The following ARK2C variants were observed in gnomAD, a reference collection of about 807,000 sequenced individuals.
ARK2C encodes the protein arkadia (RNF111) C-terminal like ring finger ubiquitin ligase 2C, also known as E3 ubiquitin-protein ligase ARK2C.
chr18:46,404,479 C>T, the ARK2C span, among the ~76,000 whole-genome samples: 2 of 152,146 alleles, frequency 1.3e-5, no homozygotes, highest in South Asian at 2.1e-4. Context: ...ACTGACCAGG[C>T]GTGGTGGCTC....
chr18:46,450,274 C>T, the ARK2C span: 2 of 1,531,888 alleles, frequency 1.3e-6, no homozygotes, highest in Admixed American at 1.7e-5. Flanking sequence ...TTGCTCTATC[C>T]AAGGCGTTTT....
chr18:46,352,535 T>C, the ARK2C span, among the ~76,000 whole-genome samples: 1 of 152,038 alleles, frequency 6.6e-6, no homozygotes, highest in Non-Finnish European at 1.5e-5. Flanking sequence ...CAGCCTAGAG[T>C]GGTGCTCAAT....
the ARK2C span, chr18:46,337,181 C>A: frequency 1.5e-4 from 148 of 985,064 alleles, no homozygotes; most frequent in African/African-American, 2.4e-3. Flanking sequence ...TCCCAAATAG[C>A]CTCCCCAGAC....
the ARK2C span, among the ~76,000 whole-genome samples, chr18:46,408,629 C>A: frequency 2.0e-5 from 3 of 152,194 alleles, no homozygotes; most frequent in Non-Finnish European, 4.4e-5. Flanking sequence ...GTAGGAGGGA[C>A]ACTTAACAGA....
the ARK2C span, among the ~76,000 whole-genome samples, chr18:46,420,318 G>C: frequency 3.3e-5 from 5 of 152,186 alleles, no homozygotes; most frequent in South Asian, 1.0e-3. Context: ...ACAGGAGAAA[G>C]GGGCATCAGA....
the ARK2C span, among the ~76,000 whole-genome samples, chr18:46,376,640 G>A: frequency 2.3e-5 from 3 of 131,558 alleles, no homozygotes; most frequent in East Asian, 2.3e-4. Context: ...TTTGAAGTTA[G>A]TTCAGCCAGC....
the ARK2C span, among the ~76,000 whole-genome samples, chr18:46,370,263 G>A: frequency 3.3e-5 from 5 of 152,174 alleles, no homozygotes; most frequent in African/African-American, 4.8e-5. Flanking sequence ...GCAGGGGAGG[G>A]GAAACATCGT....
chr18:46,444,699 C>A, the ARK2C span, among the ~76,000 whole-genome samples: 1 of 150,510 alleles, frequency 6.6e-6, no homozygotes, highest in Non-Finnish European at 1.5e-5. Context: ...CCTCAAACTT[C>A]TGGACTAAAA....
chr18:46,371,577 T>C, the ARK2C span, among the ~76,000 whole-genome samples: 1 of 152,208 alleles, frequency 6.6e-6, no homozygotes, highest in Non-Finnish European at 1.5e-5. Flanking sequence ...GCTTGGATGA[T>C]ATCCTGGGCA....
chr18:46,380,102 G>C, the ARK2C span, among the ~76,000 whole-genome samples: 1 of 152,242 alleles, frequency 6.6e-6, no homozygotes, highest in South Asian at 2.1e-4. Flanking sequence ...CCCACCCAGT[G>C]GGGGTGGAGT....
At chr18:46,435,900 C>A in the ARK2C span, among the ~76,000 whole-genome samples, 5 of 152,260 alleles carry the variant, frequency 3.3e-5, no homozygotes, top group African/African-American at 1.2e-4. Context: ...GCAAAGCCAG[C>A]CAGGTCAGAG....
chr18:46,337,750 A>T, the ARK2C span: 1 of 136,878 alleles, frequency 7.3e-6, no homozygotes, highest in African/African-American at 5.7e-5. Context: ...TCACCCACCC[A>T]CCACTCCCAC....
At chr18:46,395,451 TGAG>T in the ARK2C span, among the ~76,000 whole-genome samples, 1 of 152,230 alleles carries the variant, frequency 6.6e-6, no homozygotes, top group East Asian at 1.9e-4. Flanking sequence ...GCTTGGTTGT[TGAG>T]AACTACTTCT....
chr18:46,440,012 T>A, the ARK2C span, among the ~76,000 whole-genome samples: 2 of 152,288 alleles, frequency 1.3e-5, no homozygotes, highest in African/African-American at 4.8e-5. Flanking sequence ...GTATTTTTAG[T>A]AGAGACAGGG....
chr18:46,438,915 A>T, the ARK2C span, among the ~76,000 whole-genome samples: 1 of 152,178 alleles, frequency 6.6e-6, no homozygotes, highest in African/African-American at 2.4e-5. Context: ...TGTTATCATC[A>T]TCTTAGAGAT....
chr18:46,362,421 G>A, the ARK2C span, among the ~76,000 whole-genome samples: 2 of 152,198 alleles, frequency 1.3e-5, no homozygotes, highest in East Asian at 1.9e-4. Context: ...AGGGGAGAGT[G>A]TGTTGAGGGG....
the ARK2C span, among the ~76,000 whole-genome samples, chr18:46,422,803 G>A: frequency 3.9e-5 from 6 of 152,228 alleles, no homozygotes; most frequent in African/African-American, 1.4e-4. Flanking sequence ...TGAGCAGTTA[G>A]TGGGCCTCTG....
chr18:46,380,850 C>T, the ARK2C span, among the ~76,000 whole-genome samples: 4 of 152,352 alleles, frequency 2.6e-5, no homozygotes, highest in South Asian at 2.1e-4. Context: ...CCATCACACT[C>T]GCCCCAGCCT....
At chr18:46,382,290 G>A in the ARK2C span, among the ~76,000 whole-genome samples, 1 of 152,324 alleles carries the variant, frequency 6.6e-6, no homozygotes, top group East Asian at 1.9e-4. Flanking sequence ...AGGCAGTGCA[G>A]GAGCCCGTGC....
Sources: allele counts gnomAD v4.1 joint callset (sites outside exome capture counted in the v4.1 genomes callset), GRCh38; gene constraint gnomAD v4.1.1; transcripts MANE v1.5; gene names NCBI Gene and HGNC (gene_info 2026-07-23, HGNC 2026-07-21).